Variants in FNDC3B observed in about 807,000 individuals in gnomAD.
FNDC3B encodes the protein fibronectin type III domain-containing protein 3B.
A neutral mutation model predicts 151.5 loss-of-function variants in FNDC3B; 12 were observed. That is an observed-to-expected ratio of 0.08 (90% CI 0.05 to 0.13). The LOEUF (loss-of-function observed/expected upper bound fraction) is 0.13, where lower values mean the gene tolerates loss of function less well. FNDC3B is among the 10% of genes least tolerant of loss of function. The pLI is 1.00. For synonymous variants in FNDC3B, 528 were observed against 549.0 expected (o/e 0.96, Z 0.54); for missense variants, 1,214 against 1,505.3 (o/e 0.81, Z 3.20).
At chr3:172,341,432 G>A (rs1208229819) in intron 17 of FNDC3B, among the ~76,000 whole-genome samples, 1 of 152,168 alleles carries the variant, frequency 6.6e-6, no homozygotes, top group Non-Finnish European at 1.5e-5. Flanking sequence ...CTACTGAATT[G>A]TGGTATTTTC....
intron 23 of FNDC3B, among the ~76,000 whole-genome samples, chr3:172,364,252 G>C (rs2108345709): frequency 6.6e-6 from 1 of 152,242 alleles, no homozygotes; most frequent in Admixed American, 6.5e-5. Context: ...CAGCAATTGT[G>C]AACTAACAGA....
intron 1 of FNDC3B, among the ~76,000 whole-genome samples, chr3:172,096,715 C>T (rs953324879): frequency 4.6e-5 from 7 of 152,152 alleles, no homozygotes; most frequent in Admixed American, 6.5e-5. Context: ...AATACATCAT[C>T]ATTTTAACAG....
At chr3:172,355,614 ATG>A (rs1224088868) in intron 22 of FNDC3B, among the ~76,000 whole-genome samples, 1 of 152,188 alleles carries the variant, frequency 6.6e-6, no homozygotes, top group Non-Finnish European at 1.5e-5. Context: ...TGATTCTTAA[ATG>A]TCAGTGTATG....
chr3:172,230,639 G>T (rs1296063166), intron 4 of FNDC3B, among the ~76,000 whole-genome samples: 1 of 152,080 alleles, frequency 6.6e-6, no homozygotes, highest in East Asian at 1.9e-4. Flanking sequence ...AGAATAAAAA[G>T]AAATTTAAAA....
intron 3 of FNDC3B, among the ~76,000 whole-genome samples, chr3:172,144,917 G>A (rs1721821518): frequency 6.6e-6 from 1 of 151,718 alleles, no homozygotes; most frequent in African/African-American, 2.4e-5. Flanking sequence ...CAGAATGGGG[G>A]TTTCCTTTAT....
At chr3:172,382,999 T>A (rs1735538417) in intron 25 of FNDC3B, among the ~76,000 whole-genome samples, 1 of 152,234 alleles carries the variant, frequency 6.6e-6, no homozygotes, top group African/African-American at 2.4e-5. Context: ...TTTCTGATTC[T>A]GTGAAGAAAG....
At chr3:172,283,866 C>T (rs1345917138) in intron 6 of FNDC3B, among the ~76,000 whole-genome samples, 1 of 152,038 alleles carries the variant, frequency 6.6e-6, no homozygotes, top group Non-Finnish European at 1.5e-5. Context: ...AACATGAATA[C>T]ATAGTTATAA....
chr3:172,131,487 T>C (rs1209786990), intron 2 of FNDC3B, among the ~76,000 whole-genome samples: 3 of 152,212 alleles, frequency 2.0e-5, no homozygotes, highest in South Asian at 2.1e-4. Context: ...TGTGCTTACA[T>C]TGGTGATAAT....
At chr3:172,071,242 A>C (rs1298103712) in intron 1 of FNDC3B, among the ~76,000 whole-genome samples, 1 of 152,244 alleles carries the variant, frequency 6.6e-6, no homozygotes, top group African/African-American at 2.4e-5. Context: ...CAAATAGGCT[A>C]AATATAGTAT....
chr3:172,231,824 G>T (rs188321729), intron 4 of FNDC3B, among the ~76,000 whole-genome samples: 1 of 150,690 alleles, frequency 6.6e-6, no homozygotes, highest in Admixed American at 6.6e-5. Context: ...GCCTACTTAT[G>T]CATCTCCATT....
rs377028140 is a variant in FNDC3B at position 172,269,723 on chromosome 3, C to T, written c.791-16203C>T. On this transcript the variant is annotated intron_variant, in intron 6 of 25. Coordinates refer to ENST00000415807, the MANE Select transcript of FNDC3B (RefSeq NM_022763.4). Reference sequence around the variant, plus strand: ...GCAGTGGCACAGTCTCGACTCACTGCAACCTCCACCTCTCGGGTTCAAGCG... The same window carrying T: ...GCAGTGGCACAGTCTCGACTCACTGTAACCTCCACCTCTCGGGTTCAAGCG... Among the ~76,000 whole-genome samples, 98 of 152,322 alleles carry T rather than the reference C, an allele frequency of 6.4e-4. 1 individual carries two copies. Among genetic ancestry groups the T allele is most frequent in the African/African-American group, 2.3e-3 (94 of 41,576 alleles).
intron 3 of FNDC3B, among the ~76,000 whole-genome samples, chr3:172,152,453 T>C (rs1207066756): frequency 6.6e-6 from 1 of 152,196 alleles, no homozygotes; most frequent in Non-Finnish European, 1.5e-5. Flanking sequence ...TTGCATTGCT[T>C]CCTGTCCGTT....
At chr3:172,334,865 C>A in intron 14 of FNDC3B, 79 bp from the exon 15 acceptor site, 1 of 1,392,758 alleles carries the variant, frequency 7.2e-7, no homozygotes, top group Non-Finnish European at 9.9e-7. Context: ...GCCTTAATCT[C>A]ACCATGTTAA....
At chr3:172,048,067 G>A (rs1047610016) in intron 1 of FNDC3B, among the ~76,000 whole-genome samples, 1 of 152,108 alleles carries the variant, frequency 6.6e-6, no homozygotes, top group Non-Finnish European at 1.5e-5. Flanking sequence ...TCCAGGTACT[G>A]TATGAACTTG....
At chr3:172,085,602 G>A (rs112064326) in intron 1 of FNDC3B, among the ~76,000 whole-genome samples, 1,561 of 151,022 alleles carry the variant, frequency 0.01, 25 homozygotes, top group African/African-American at 0.037. Flanking sequence ...TTCACTCATC[G>A]ACATTGCCTC....
intron 11 of FNDC3B, among the ~76,000 whole-genome samples, chr3:172,321,347 T>C (rs928237878): frequency 6.6e-6 from 1 of 152,256 alleles, no homozygotes; most frequent in Admixed American, 6.5e-5. Context: ...GCATAGCTGT[T>C]GATTGGCAAT....
intron 25 of FNDC3B, 48 bp from the exon 26 acceptor site, chr3:172,397,116 A>G: frequency 6.9e-7 from 1 of 1,447,418 alleles, no homozygotes; most frequent in Non-Finnish European, 9.4e-7. Context: ...TTCTAGAGAC[A>G]ACAGTGTTGC....
rs557942831 is a variant in FNDC3B at position 172,179,560 on chromosome 3, C to G, written c.187+46014C>G. On this transcript the variant is annotated intron_variant, in intron 3 of 25. Coordinates refer to ENST00000415807, the MANE Select transcript of FNDC3B (RefSeq NM_022763.4). Reference sequence around the variant, plus strand: ...CCTCCCTCCCCCACTGTATCCCCTCCCCCACCACCTCCGACCTCCACCCCA... The same window carrying G: ...CCTCCCTCCCCCACTGTATCCCCTCGCCCACCACCTCCGACCTCCACCCCA... 2.4e-3 allele frequency among the ~76,000 whole-genome samples: 358 copies of G among 151,916 alleles called. 2 individuals are homozygous for G. The highest frequency in any genetic ancestry group is 8.3e-3 in the African/African-American group (344 of 41,448).
chr3:172,280,992 GTTTTT>G (rs1729680767), intron 6 of FNDC3B, among the ~76,000 whole-genome samples: 20 of 151,480 alleles, frequency 1.3e-4, no homozygotes, highest in Admixed American at 1.2e-3. Flanking sequence ...TAGGAGATTT[GTTTTT>G]AGGGAAAAGA....
Sources: gnomAD v4.1 joint callset for allele counts (sites outside exome capture counted in the v4.1 genomes callset) on GRCh38, gnomAD v4.1.1 for gene constraint, MANE v1.5 for transcripts, NCBI Gene and HGNC (gene_info 2026-07-23, HGNC 2026-07-21) for gene names.